Variants in ZYG11B observed in about 807,000 individuals in gnomAD.
ZYG11B encodes protein zyg-11 homolog B.
In ZYG11B, 36 loss-of-function variants were observed where a neutral mutation model predicts 82.4. That is an observed-to-expected ratio of 0.44 (90% CI 0.33 to 0.58). ZYG11B has a LOEUF of 0.58. Among genes scored for constraint, ZYG11B ranks in the 20% least tolerant of loss-of-function variants. The pLI, the probability that ZYG11B is intolerant of heterozygous loss-of-function variation, is 0.02. For synonymous variants in ZYG11B, 303 were observed against 312.8 expected, an observed-to-expected ratio of 0.97 and a Z score of 0.33; for missense variants, 552 against 895.6, an observed-to-expected ratio of 0.62 and a Z score of 4.90.
chr1:52,778,727 C>T (rs898301256), intron 3 of ZYG11B, among the ~76,000 whole-genome samples: 2 of 152,154 alleles, frequency 1.3e-5, no homozygotes, highest in African/African-American at 4.8e-5. Flanking sequence ...CTGCTACCTA[C>T]GTTTGGTTGC....
chr1:52,813,737 G>A lies in ZYG11B; in HGVS notation c.1893+4G>A, dbSNP rs376156240. 1.2e-6 allele frequency: 2 copies of A among 1,613,842 alleles called. No homozygotes were observed. Among genetic ancestry groups the A allele is most frequent in the Admixed American group, 1.7e-5 (1 of 59,982 alleles). On this transcript the variant is annotated splice_donor_region_variant and intron_variant, in intron 11 of 13. Transcript: ENST00000294353. ...GAATTCTCTGCTGGATGATTTGGTA[G>A]GGTCATTCCATACCAACAAAAGACA...
intron 13 of ZYG11B, among the ~76,000 whole-genome samples, chr1:52,817,114 T>C (rs1023956202): frequency 6.6e-6 from 1 of 152,112 alleles, no homozygotes; most frequent in Non-Finnish European, 1.5e-5. Flanking sequence ...CTTAAGGTAT[T>C]CTTTCAGAAT....
intron 2 of ZYG11B, among the ~76,000 whole-genome samples, chr1:52,764,901 T>C (rs1644668037): frequency 1.3e-5 from 2 of 152,170 alleles, no homozygotes; most frequent in Admixed American, 6.5e-5. Context: ...CTGGAGTATT[T>C]CCCCAGTAAA....
At chr1:52,747,108 G>A (rs1173918702) in intron 1 of ZYG11B, among the ~76,000 whole-genome samples, 1 of 151,858 alleles carries the variant, frequency 6.6e-6, no homozygotes, top group Non-Finnish European at 1.5e-5. Flanking sequence ...AGAAAGTTGT[G>A]AGGGGTAAAT....
intron 13 of ZYG11B, among the ~76,000 whole-genome samples, chr1:52,819,734 C>T (rs980259678): frequency 4.0e-5 from 6 of 148,916 alleles, no homozygotes; most frequent in East Asian, 2.0e-4. Context: ...TACAGTGAGC[C>T]GAGATCGCAC....
intron 10 of ZYG11B, among the ~76,000 whole-genome samples, chr1:52,803,091 TATATATACATATATATATATATATATAC>T (rs1645093042): frequency 1.3e-4 from 2 of 15,118 alleles, no homozygotes; most frequent in African/African-American, 2.1e-4. Flanking sequence ...TATACACATA[TATATATACATATATATATATATATATAC>T]ACACATATAT....
rs749724741 is a variant in ZYG11B, at chr1:52,771,695, G to T, written c.872G>T (p.Arg291Leu). Residue 291 changes from arginine to leucine, a missense_variant, in exon 3 of 14, where the codon CGT becomes CTT. Arg to Leu is a moderately radical substitution (Grantham distance 102). Coordinates refer to ENST00000294353, the MANE Select transcript of ZYG11B (RefSeq NM_024646.3). The surrounding 1 kb of genome is among the most constrained non-coding windows in gnomAD (Gnocchi z 5.4). ...GCCGTTGAAGCCTTTATACAACAAC[G>T]TCCAAGCATGCAATTTGTAGGTTTG... ...DKAVEAFIQQ[R>L]PSMQFVGLLA... 6.2e-7 allele frequency: 1 copy of T among 1,614,168 alleles called. No individual in the cohort carries two copies. The highest frequency in any genetic ancestry group is 1.1e-5 in the South Asian group (1 of 91,084).
Position 52,735,104 on chromosome 1 carries a change from C to T in ZYG11B, c.30+8421C>T, listed in dbSNP as rs531628891. ...GGAGTGCAATGGCGCGATCTCGGCT[C>T]ACCGCAGCCTCCGCCTCCCAGGTTC... On this transcript the variant is annotated intron_variant, in intron 1 of 13. Coordinates refer to ENST00000294353, the MANE Select transcript of ZYG11B (RefSeq NM_024646.3). 8.0e-5 allele frequency among the ~76,000 whole-genome samples: 12 copies of T among 150,240 alleles called. No homozygotes were observed. In the South Asian group the frequency reaches 2.5e-3, roughly 32 times the overall value.
intron 3 of ZYG11B, among the ~76,000 whole-genome samples, chr1:52,776,458 T>C (rs11206014): frequency 0.29 from 41,939 of 145,156 alleles, 11,342 homozygotes; most frequent in African/African-American, 0.7. Context: ...CACTTGAACC[T>C]GGGAGGTGGA....
At chr1:52,814,062 C>T in intron 12 of ZYG11B, 150 bp downstream of exon 12, 1 of 775,646 alleles carries the variant, frequency 1.3e-6, no homozygotes, top group Non-Finnish European at 2.1e-6. Flanking sequence ...CACTCCGTCG[C>T]CATGGCTGGA....
intron 1 of ZYG11B, among the ~76,000 whole-genome samples, chr1:52,753,646 G>A (rs1026914067): frequency 1.3e-5 from 2 of 151,986 alleles, no homozygotes; most frequent in African/African-American, 4.8e-5. Flanking sequence ...GCCCAGGCCG[G>A]AGTGCAATGG....
intron 1 of ZYG11B, among the ~76,000 whole-genome samples, chr1:52,742,968 T>G (rs918365206): frequency 6.6e-6 from 1 of 151,116 alleles, no homozygotes; most frequent in Non-Finnish European, 1.5e-5. Flanking sequence ...AGCCGCCCCG[T>G]CCGGGAGGTG....
At chr1:52,814,778 G>A (rs1417828755) in intron 12 of ZYG11B, among the ~76,000 whole-genome samples, 2 of 152,146 alleles carry the variant, frequency 1.3e-5, no homozygotes, top group African/African-American at 4.8e-5. Context: ...AAGATAAGGA[G>A]AGGCAGGAGA....
intron 1 of ZYG11B, among the ~76,000 whole-genome samples, chr1:52,738,783 CT>C (rs1644398500): frequency 6.6e-6 from 1 of 151,662 alleles, no homozygotes; most frequent in Admixed American, 6.6e-5. Flanking sequence ...CCACACCTGG[CT>C]AATTTTGTAT....
chr1:52,767,673 G>A (rs564837800), intron 2 of ZYG11B, among the ~76,000 whole-genome samples: 67 of 152,284 alleles, frequency 4.4e-4, no homozygotes, highest in African/African-American at 1.6e-3. Flanking sequence ...GGGCTATGCA[G>A]AGGTTGGAAT....
rs1644448349 is a variant in ZYG11B, at chr1:52,743,229, C to A, written c.31-13229C>A. Among the ~76,000 whole-genome samples, 3 of 151,572 alleles carry A rather than the reference C, an allele frequency of 2.0e-5. No homozygotes were observed. The South Asian group carries it at 6.2e-4, about 32-fold the overall frequency. On this transcript the variant is annotated intron_variant, in intron 1 of 13. Transcript: ENST00000294353. Reference sequence around the variant, plus strand: ...GAGATTAGGGAGTCATCACCACTCCCTAATCTCAAGTACCCAGGGACACAA... The same window carrying A: ...GAGATTAGGGAGTCATCACCACTCCATAATCTCAAGTACCCAGGGACACAA...
intron 1 of ZYG11B, among the ~76,000 whole-genome samples, chr1:52,746,475 A>AT (rs1445811532): frequency 1.3e-5 from 2 of 152,154 alleles, no homozygotes; most frequent in Admixed American, 1.3e-4. Flanking sequence ...ATATTTACCT[A>AT]TTAGAAGAAC....
In ZYG11B at chr1:52,739,004, C is replaced by CA. The variant is rs1558116685; in HGVS notation, c.30+12322dup. The stretch of plus-strand genomic sequence containing the variant: ...TGTAACCTTTTTTTTTTTTTGGAGA[C>CA]AGAGTCTCACTGTATCACCCAGGCT... On this transcript the variant is annotated intron_variant, in intron 1 of 13. Transcript: ENST00000294353. 1.1e-4 allele frequency among the ~76,000 whole-genome samples: 3 copies of CA among 26,704 alleles called. No individual in the cohort carries two copies. The African/African-American group carries it at 1.7e-3, about 15-fold the overall frequency. The allele number at this position is 26,704 out of a possible 152,430, so 17.5% of individuals were successfully genotyped here.
At chr1:52,774,401 A>G (rs894440619) in intron 3 of ZYG11B, among the ~76,000 whole-genome samples, 1 of 144,160 alleles carries the variant, frequency 6.9e-6, no homozygotes, top group Admixed American at 7.2e-5. Flanking sequence ...TCCACCTCCC[A>G]GGTTTTGACG....
Sources: gnomAD v4.1 joint callset for allele counts (sites outside exome capture counted in the v4.1 genomes callset) on GRCh38, gnomAD v4.1.1 for gene constraint, Gnocchi (gnomAD v3.1) non-coding constraint, MANE v1.5 for transcripts, NCBI Gene and HGNC (gene_info 2026-07-23, HGNC 2026-07-21) for gene names.